PRMT3: variants seen among roughly 807,000 people sequenced by gnomAD.
PRMT3 encodes protein arginine N-methyltransferase 3.
Under a neutral mutation model 71.9 loss-of-function variants are expected in PRMT3, and 62 were observed. The ratio of observed to expected loss-of-function variants is 0.86; its 90% confidence interval spans 0.70 to 1.07. The LOEUF is 1.07. Ranked by LOEUF, PRMT3 falls within the 50% of genes least tolerant of loss-of-function variation. The pLI is 0.00. For missense variants in PRMT3, 663 were observed against 643.0 expected (o/e 1.03, Z -0.34); for synonymous variants, 213 against 220.4 (o/e 0.97, Z 0.30).
chr11:20,454,337 T>G (rs1411495284), intron 11 of PRMT3, among the ~76,000 whole-genome samples: 1 of 152,186 alleles, frequency 6.6e-6, no homozygotes, highest in African/African-American at 2.4e-5. Context: ...GACAGCAACT[T>G]AATACATTTA....
intron 15 of PRMT3, among the ~76,000 whole-genome samples, chr11:20,502,830 A>G (rs2133704666): frequency 6.6e-6 from 1 of 152,100 alleles, no homozygotes; most frequent in South Asian, 2.1e-4. Flanking sequence ...GCAATACCTC[A>G]TATGCTTCAA....
chr11:20,482,532 G>A (rs1850963184), intron 13 of PRMT3, among the ~76,000 whole-genome samples: 1 of 151,922 alleles, frequency 6.6e-6, no homozygotes, highest in African/African-American at 2.4e-5. Flanking sequence ...GATGTCAGAG[G>A]GGTTCTCCCT....
intron 13 of PRMT3, among the ~76,000 whole-genome samples, chr11:20,486,845 T>G (rs1590103634): frequency 6.6e-6 from 1 of 151,896 alleles, no homozygotes; most frequent in South Asian, 2.1e-4. Flanking sequence ...TGGCTTGAGG[T>G]CAGGAGTTCA....
At chr11:20,419,074 A>G (rs1236896794) in intron 9 of PRMT3, among the ~76,000 whole-genome samples, 1 of 152,224 alleles carries the variant, frequency 6.6e-6, no homozygotes, top group Admixed American at 6.5e-5. Flanking sequence ...CTTAGGGTAT[A>G]CATATCTTCA....
intron 9 of PRMT3, among the ~76,000 whole-genome samples, chr11:20,414,092 A>G (rs1364854748): frequency 2.6e-5 from 4 of 152,166 alleles, no homozygotes; most frequent in Admixed American, 6.6e-5. Context: ...TTGGCTAGGC[A>G]TGGTGGCTTA....
At chr11:20,442,798 T>A (rs1221179779) in intron 10 of PRMT3, among the ~76,000 whole-genome samples, 1 of 152,366 alleles carries the variant, frequency 6.6e-6, no homozygotes, top group African/African-American at 2.4e-5. Context: ...TAATGCTCAT[T>A]TGAATTTTAC....
intron 9 of PRMT3, among the ~76,000 whole-genome samples, chr11:20,424,133 G>A (rs1365771626): frequency 4.0e-5 from 6 of 148,898 alleles, no homozygotes; most frequent in Non-Finnish European, 7.4e-5. Context: ...ACAGTGAGCC[G>A]AGATCGCGCC....
chr11:20,482,204 T>C (rs545795192), intron 13 of PRMT3, among the ~76,000 whole-genome samples: 4 of 152,254 alleles, frequency 2.6e-5, no homozygotes, highest in Non-Finnish European at 4.4e-5. Flanking sequence ...ATTCATTGTT[T>C]AAATTTCAGA....
chr11:20,413,897 C>T (rs1465610105), intron 9 of PRMT3, among the ~76,000 whole-genome samples: 2 of 151,998 alleles, frequency 1.3e-5, no homozygotes, highest in Non-Finnish European at 2.9e-5. Flanking sequence ...GTCCTTATCC[C>T]TTCTGAGGCC....
intron 13 of PRMT3, among the ~76,000 whole-genome samples, chr11:20,472,867 G>A (rs549506190): frequency 4.7e-5 from 7 of 149,936 alleles, no homozygotes; most frequent in East Asian, 3.9e-4. Context: ...TTTGGAGGGT[G>A]GGGGGTGGAG....
At chr11:20,438,922 T>C (rs1849822460) in intron 10 of PRMT3, among the ~76,000 whole-genome samples, 2 of 151,950 alleles carry the variant, frequency 1.3e-5, no homozygotes, top group African/African-American at 4.8e-5. Flanking sequence ...GGGAGAGGGG[T>C]AGGTGGAGTG....
At chr11:20,393,802 A>G (rs1354755320) in intron 5 of PRMT3, 3 of 152,248 alleles carry the variant, frequency 2.0e-5, no homozygotes, top group Non-Finnish European at 4.4e-5. Context: ...AGAAAGCAAA[A>G]CAGAAACTGG....
chr11:20,394,573 C>T, intron 5 of PRMT3, among the ~76,000 whole-genome samples: 1 of 152,142 alleles, frequency 6.6e-6, no homozygotes, highest in South Asian at 2.1e-4. Context: ...TGATTAACAT[C>T]ATCACCTCAC....
At chr11:20,482,781 T>C (rs1850970006) in intron 13 of PRMT3, among the ~76,000 whole-genome samples, 1 of 152,092 alleles carries the variant, frequency 6.6e-6, no homozygotes, top group South Asian at 2.1e-4. Context: ...TTTATGTATA[T>C]GTATGTATTA....
At chr11:20,471,829 C>T (rs547369199) in intron 13 of PRMT3, among the ~76,000 whole-genome samples, 1 of 152,078 alleles carries the variant, frequency 6.6e-6, no homozygotes, top group Non-Finnish European at 1.5e-5. Flanking sequence ...CTTTCTATCC[C>T]TTAGCATGGA....
chr11:20,435,984 C>A (rs977320592), intron 10 of PRMT3, among the ~76,000 whole-genome samples: 20 of 152,158 alleles, frequency 1.3e-4, no homozygotes, highest in African/African-American at 4.6e-4. Context: ...GGTGTGTTCC[C>A]TTCAATTTCT....
chr11:20,493,874 G>A, intron 13 of PRMT3, 45 bp from the exon 14 acceptor site: 3 of 1,280,766 alleles, frequency 2.3e-6, no homozygotes, highest in Non-Finnish European at 2.2e-6. Context: ...ATTATATTAT[G>A]TAATTCATTT....
At chr11:20,416,296 G>A (rs1301001833) in intron 9 of PRMT3, among the ~76,000 whole-genome samples, 2 of 152,102 alleles carry the variant, frequency 1.3e-5, no homozygotes, top group African/African-American at 2.4e-5. Flanking sequence ...ACATAAAAGA[G>A]GGTAAATTAC....
At chr11:20,404,217 T>G (rs10833320) in intron 8 of PRMT3, among the ~76,000 whole-genome samples, 36,595 of 47,672 alleles carry the variant, frequency 0.77, 14,059 homozygotes, top group Non-Finnish European at 0.88. Flanking sequence ...CATAGTTTTT[T>G]TTTTTTTTTT....
Sources: gnomAD v4.1 joint callset for allele counts (sites outside exome capture counted in the v4.1 genomes callset) on GRCh38, gnomAD v4.1.1 for gene constraint, MANE v1.5 for transcripts, NCBI Gene and HGNC (gene_info 2026-07-23, HGNC 2026-07-21) for gene names.